Variants in CARS2 observed in about 807,000 individuals in gnomAD.
CARS2 encodes probable cysteine--tRNA ligase, mitochondrial.
In CARS2, 52 loss-of-function variants were observed where a neutral mutation model predicts 68.8. That is an observed-to-expected ratio of 0.76 (90% CI 0.61 to 0.95). The LOEUF is 0.95. Among genes scored for constraint, CARS2 ranks in the 40% least tolerant of loss-of-function variants. CARS2 has a pLI of 0.00. For missense variants in CARS2, 780 were observed against 754.2 expected, an observed-to-expected ratio of 1.03 and a Z score of -0.40; for synonymous variants, 314 against 303.6, an observed-to-expected ratio of 1.03 and a Z score of -0.36.
At position 110,665,393 on chromosome 13, in the gene CARS2, C is replaced by T. The variant is rs1022117855; in HGVS notation, c.920-1875G>A. On this transcript the variant is annotated intron_variant, in intron 8 of 14. Coordinates refer to ENST00000257347, the MANE Select transcript of CARS2 (RefSeq NM_024537.4). This position sits in a 1 kb window ranked among gnomAD's most constrained non-coding sequence, Gnocchi z 4.3. ...CCCAGGAGGCAGAGGTTGCGGTGAG[C>T]TCAGATAGTGCCACTGCACTCCCAG... is the stretch of plus-strand genomic sequence containing the variant. 6 of 953,644 alleles carry T rather than the reference C, an allele frequency of 6.3e-6. No individual in the cohort carries two copies. Among genetic ancestry groups the T allele is most frequent in the Non-Finnish European group, 7.5e-6 (6 of 800,914 alleles). The allele number at this position is 953,644 out of a possible 1,614,324, so 59.1% of individuals were successfully genotyped here.
Position 110,665,594 on chromosome 13 carries a change from A to C in CARS2, c.919+1746T>G. On this transcript the variant is annotated intron_variant, in intron 8 of 14. Coordinates refer to ENST00000257347, the MANE Select transcript of CARS2 (RefSeq NM_024537.4). This position sits in a 1 kb window ranked among gnomAD's most constrained non-coding sequence, Gnocchi z 4.3. ...TGCCCCCCAGCTCCACACTCGCAGA[A>C]GGGCTCACAGCAGGTCATGGTTGTC... 1.0e-6 allele frequency: 1 copy of C among 985,444 alleles called. No individual in the cohort carries two copies. The highest frequency in any genetic ancestry group is 1.2e-6 in the Non-Finnish European group (1 of 829,972). 61.0% of individuals were successfully genotyped at this position (985,444 alleles called of 1,614,324 possible).
At chr13:110,693,467 C>T in intron 3 of CARS2, among the ~76,000 whole-genome samples, 1 of 152,044 alleles carries the variant, frequency 6.6e-6, no homozygotes, top group East Asian at 1.9e-4. Flanking sequence ...TCACGCCATT[C>T]TCCTGCCTCA....
At chr13:110,683,854 C>CA (rs1308889931) in intron 5 of CARS2, among the ~76,000 whole-genome samples, 26 of 151,694 alleles carry the variant, frequency 1.7e-4, no homozygotes, top group Admixed American at 9.2e-4. Context: ...CCATCTCTAC[C>CA]AAAAAAAACA....
At chr13:110,688,404 G>A (rs535326769) in intron 3 of CARS2, among the ~76,000 whole-genome samples, 4 of 152,240 alleles carry the variant, frequency 2.6e-5, no homozygotes, top group African/African-American at 7.2e-5. Context: ...AGCCATGATC[G>A]TGCCACTGCA....
intron 9 of CARS2, among the ~76,000 whole-genome samples, chr13:110,658,579 GATCAACTCCTCGTTTAAAAATAA>G (rs2062428029): frequency 6.6e-6 from 1 of 152,032 alleles, no homozygotes; most frequent in Non-Finnish European, 1.5e-5. Flanking sequence ...TATGAACCTT[GATCAACTCCTCGTTTAAAAATAA>G]AAGTATAAAA....
chr13:110,657,433 G>A (rs903268866), intron 9 of CARS2, among the ~76,000 whole-genome samples: 1 of 152,200 alleles, frequency 6.6e-6, no homozygotes, highest in Non-Finnish European at 1.5e-5. Flanking sequence ...AAGGCAGGCA[G>A]GTGCAGGAGG....
At chr13:110,713,454 C>T in exon 1 of CARS2, 3 of 991,508 alleles carry the variant, frequency 3.0e-6, no homozygotes, top group Non-Finnish European at 2.4e-6. Context: ...AAGTTTGCGC[C>T]TCGCCCGCCG....
chr13:110,675,706 T>TG (rs2062928164), intron 7 of CARS2, among the ~76,000 whole-genome samples: 1 of 150,528 alleles, frequency 6.6e-6, no homozygotes, highest in African/African-American at 2.5e-5. Flanking sequence ...TAAAATATAA[T>TG]GAAAAAAAAA....
chr13:110,644,242 T>G (rs1242323773), intron 13 of CARS2, 143 bp downstream of exon 13: 1 of 1,411,024 alleles, frequency 7.1e-7, no homozygotes, highest in African/African-American at 1.4e-5. Flanking sequence ...TGTGTTTATT[T>G]TTCCAGGAAA....
At chr13:110,683,863 C>A (rs1200198896) in intron 5 of CARS2, among the ~76,000 whole-genome samples, 1 of 152,130 alleles carries the variant, frequency 6.6e-6, no homozygotes, top group Non-Finnish European at 1.5e-5. Context: ...CCAAAAAAAA[C>A]ACACAAAAAA....
At chr13:110,697,606 C>A (rs1301907023) in intron 3 of CARS2, among the ~76,000 whole-genome samples, 1 of 152,180 alleles carries the variant, frequency 6.6e-6, no homozygotes, top group South Asian at 2.1e-4. Flanking sequence ...CCACACCCAG[C>A]TAATTTTTTG....
At chr13:110,709,353 G>GA, upstream of CARS2, among the ~76,000 whole-genome samples, 1 of 151,802 alleles carries the variant, frequency 6.6e-6, no homozygotes, top group East Asian at 1.9e-4. Flanking sequence ...CTCGGTCTCT[G>GA]AAAGTGCTGG....
chr13:110,680,564 T>C (rs747271977), intron 6 of CARS2, among the ~76,000 whole-genome samples: 4 of 152,128 alleles, frequency 2.6e-5, no homozygotes, highest in South Asian at 4.1e-4. Context: ...GAATACACCA[T>C]CTACAAAGTA....
chr13:110,652,137 G>A (rs1449628827), intron 9 of CARS2, among the ~76,000 whole-genome samples: 1 of 152,284 alleles, frequency 6.6e-6, no homozygotes, highest in Non-Finnish European at 1.5e-5. Flanking sequence ...TTGCTGGAGT[G>A]AGAATTGCGT....
chr13:110,697,061 A>T (rs2063643883), intron 3 of CARS2, among the ~76,000 whole-genome samples: 1 of 152,198 alleles, frequency 6.6e-6, no homozygotes, highest in Non-Finnish European at 1.5e-5. Flanking sequence ...CCACCAGGAC[A>T]TGGGGACTGA....
In CARS2 at chr13:110,668,793, C is replaced by T. The variant is rs576733884; in HGVS notation, c.786-1320G>A. ...ATGTTAGTTTCGCTCCTGATCTCTA[C>T]GTTACACCTATTTTAAAATCAGAGA... is the stretch of plus-strand genomic sequence containing the variant. On this transcript the variant is annotated intron_variant, in intron 7 of 14. Transcript: ENST00000257347. The surrounding 1 kb of genome is among the most constrained non-coding windows in gnomAD (Gnocchi z 4.1). Among the ~76,000 whole-genome samples the T allele has an allele frequency of 1.7e-4, 26 of 152,308 alleles. No homozygotes were observed. Among genetic ancestry groups the T allele is most frequent in the Admixed American group, 1.0e-3 (16 of 15,306 alleles).
At chr13:110,651,409 G>T (rs2062210170) in intron 9 of CARS2, among the ~76,000 whole-genome samples, 1 of 152,224 alleles carries the variant, frequency 6.6e-6, no homozygotes, top group Non-Finnish European at 1.5e-5. Context: ...CTCTCTTTCT[G>T]CACGACAGGG....
chr13:110,660,973 G>A (rs2062488177), intron 9 of CARS2, among the ~76,000 whole-genome samples: 1 of 152,072 alleles, frequency 6.6e-6, no homozygotes, highest in Admixed American at 6.6e-5. Flanking sequence ...TGTTGACCAG[G>A]CTGGTCTCGA....
At chr13:110,667,270 G>T in intron 8 of CARS2, 70 bp downstream of exon 8, 1 of 1,376,968 alleles carries the variant, frequency 7.3e-7, no homozygotes, top group Non-Finnish European at 1.0e-6. Flanking sequence ...TCCAAATGTA[G>T]CTGTTCCGCC....
Sources: allele counts gnomAD v4.1 joint callset (sites outside exome capture counted in the v4.1 genomes callset), GRCh38; gene constraint gnomAD v4.1.1; non-coding constraint Gnocchi (gnomAD v3.1); transcripts MANE v1.5; gene names NCBI Gene and HGNC (gene_info 2026-07-23, HGNC 2026-07-21).